EGFLAM: variants seen among roughly 807,000 people sequenced by gnomAD.
The protein encoded by EGFLAM is EGF like, fibronectin type III and laminin G domains.
In EGFLAM, 79 loss-of-function variants were observed where a neutral mutation model predicts 113.1. The ratio of observed to expected loss-of-function variants is 0.70; its 90% CI spans 0.58 to 0.84. EGFLAM has a LOEUF of 0.84. EGFLAM is among the 40% of genes least tolerant of loss of function. EGFLAM has a pLI of 0.00. For missense variants in EGFLAM, 1,265 were observed against 1,291.6 expected (o/e 0.98, Z 0.32); for synonymous variants, 504 against 487.6 (o/e 1.03, Z -0.44).
Position 38,421,589 on chromosome 5 carries a change from G to A in EGFLAM, c.1684+3334G>A, listed in dbSNP as rs1448005921. ...TGGAGATCAAGTAATGAACAAGACA[G>A]GATCCAGCTCAGTCCTCATATAGTT... On this transcript the variant is annotated intron_variant, in intron 12 of 21. Coordinates refer to ENST00000322350, the MANE Select transcript of EGFLAM (RefSeq NM_152403.4). Among the ~76,000 whole-genome samples, 4 of 152,228 alleles carry A rather than the reference G, an allele frequency of 2.6e-5. No individual in the cohort carries two copies. The East Asian group carries it at 5.8e-4, about 22-fold the overall frequency.
intron 1 of EGFLAM, among the ~76,000 whole-genome samples, chr5:38,285,007 G>C (rs1758120653): frequency 6.6e-6 from 1 of 152,148 alleles, no homozygotes. Flanking sequence ...GTTATCAAGA[G>C]CAACTATTTT....
At chr5:38,292,541 G>T (rs1229422318) in intron 1 of EGFLAM, among the ~76,000 whole-genome samples, 1 of 152,196 alleles carries the variant, frequency 6.6e-6, no homozygotes, top group Non-Finnish European at 1.5e-5. Flanking sequence ...GTTCGCTGCT[G>T]AATGCTAACT....
chr5:38,433,402 A>G (rs1742247596), intron 15 of EGFLAM, among the ~76,000 whole-genome samples: 1 of 152,146 alleles, frequency 6.6e-6, no homozygotes, highest in African/African-American at 2.4e-5. Flanking sequence ...AGCTTTGCAA[A>G]CTGCTTCCAG....
chr5:38,403,870 G>A, intron 6 of EGFLAM: 1 of 1,613,902 alleles, frequency 6.2e-7, no homozygotes, highest in Non-Finnish European at 8.5e-7. Flanking sequence ...CATGCAGGTG[G>A]CTTGAGAGAA....
chr5:38,276,671 AC>A, intron 1 of EGFLAM, among the ~76,000 whole-genome samples: 1 of 152,220 alleles, frequency 6.6e-6, no homozygotes, highest in African/African-American at 2.4e-5. Context: ...GAATTGACAA[AC>A]TTTTAGCTAG....
intron 1 of EGFLAM, among the ~76,000 whole-genome samples, chr5:38,293,944 A>C (rs1758395976): frequency 6.6e-6 from 1 of 152,238 alleles, no homozygotes; most frequent in Admixed American, 6.5e-5. Flanking sequence ...GTGCTCACTC[A>C]TTAAGCACCC....
chr5:38,427,036 G>A lies in EGFLAM; in HGVS notation c.1838G>A (p.Arg613Lys). ...TTCACCTTGACCATTCCTCAGTTCA[G>A]AGAGTCTCTGAGATCTTACGCTGCA... ...DAFTLTIPQF[R>K]ESLRSYAATP... is the part of the protein sequence containing the mutation. The change falls in exon 14 of 22, where the codon AGA (arginine) becomes AAA (lysine). Residue 613 changes from arginine to lysine, a missense_variant. Transcript: ENST00000322350. 1 of 1,614,038 alleles carries A rather than the reference G, an allele frequency of 6.2e-7. No individual in the cohort carries two copies. The highest frequency in any genetic ancestry group is 8.5e-7 in the Non-Finnish European group (1 of 1,180,012).
chr5:38,462,729 C>T (rs1743328622), intron 20 of EGFLAM, 179 bp from the exon 21 acceptor site: 1 of 631,078 alleles, frequency 1.6e-6, no homozygotes, highest in Non-Finnish European at 2.7e-6. Flanking sequence ...CCTCAGTAGA[C>T]CACAGGCTCC....
chr5:38,384,427 G>A (rs1055594371), intron 6 of EGFLAM, among the ~76,000 whole-genome samples: 2 of 152,150 alleles, frequency 1.3e-5, no homozygotes, highest in East Asian at 3.9e-4. Flanking sequence ...CCCATATTCT[G>A]TTGGTTCCTC....
chr5:38,340,079 A>ATGCCTTTGAGTCTAGACAG (rs1306627152), intron 3 of EGFLAM, among the ~76,000 whole-genome samples: 1 of 152,166 alleles, frequency 6.6e-6, no homozygotes, highest in Non-Finnish European at 1.5e-5. Flanking sequence ...AGAGTGATAC[A>ATGCCTTTGAGTCTAGACAG]TGCCTTTGAG....
chr5:38,427,689 A>C (rs1377616450), intron 14 of EGFLAM, among the ~76,000 whole-genome samples: 1 of 152,230 alleles, frequency 6.6e-6, no homozygotes, highest in East Asian at 1.9e-4. Context: ...TTTGAACAAA[A>C]ATATCCTTGA....
rs56194936 is a variant in EGFLAM at position 38,269,158 on chromosome 5, G to A, written c.97+10307G>A. ...CCTGCCACTGCACTCCAGCCTGGGC[G>A]ATGGGAGTGAGACCCTGCATCAACA... is the stretch of plus-strand genomic sequence containing the variant. On this transcript the variant is annotated intron_variant, in intron 1 of 21. Transcript: ENST00000322350. Among the ~76,000 whole-genome samples the A allele has an allele frequency of 6.6e-3, 1,011 of 152,190 alleles. 12 individuals are homozygous for A. Among genetic ancestry groups the A allele is most frequent in the African/African-American group, 0.023 (974 of 41,522 alleles).
At chr5:38,379,225 T>A (rs1385888785) in intron 6 of EGFLAM, among the ~76,000 whole-genome samples, 1 of 152,076 alleles carries the variant, frequency 6.6e-6, no homozygotes, top group Non-Finnish European at 1.5e-5. Flanking sequence ...GAGGGGTTAA[T>A]AACTGAGTGT....
chr5:38,394,966 G>A (rs1740918665), intron 6 of EGFLAM, among the ~76,000 whole-genome samples: 2 of 151,662 alleles, frequency 1.3e-5, no homozygotes, highest in Non-Finnish European at 2.9e-5. Flanking sequence ...TTGAGACAGA[G>A]TTTTGCTCTT....
At chr5:38,271,646 CAAGCTTCA>C (rs1188723081) in intron 1 of EGFLAM, among the ~76,000 whole-genome samples, 3 of 152,328 alleles carry the variant, frequency 2.0e-5, no homozygotes, top group African/African-American at 7.2e-5. Flanking sequence ...CAAGGAAACA[CAAGCTTCA>C]AAGCATGTCC....
chr5:38,454,073 C>A (rs1435761039), intron 19 of EGFLAM, among the ~76,000 whole-genome samples: 1 of 152,226 alleles, frequency 6.6e-6, no homozygotes, highest in Non-Finnish European at 1.5e-5. Flanking sequence ...CCGAGGTCGA[C>A]TTCTGTGCCT....
intron 6 of EGFLAM, among the ~76,000 whole-genome samples, chr5:38,394,711 CTT>C (rs11451294): frequency 1.6e-5 from 2 of 121,718 alleles, no homozygotes; most frequent in African/African-American, 3.3e-5. Context: ...GCCGGGCCCA[CTT>C]TTTTTTTTTT....
At chr5:38,364,825 G>A (rs1740018329) in intron 5 of EGFLAM, among the ~76,000 whole-genome samples, 1 of 152,140 alleles carries the variant, frequency 6.6e-6, no homozygotes, top group Non-Finnish European at 1.5e-5. Flanking sequence ...TTTTAATTCT[G>A]TTTATGAGAT....
At chr5:38,397,547 C>T (rs1740993246) in intron 6 of EGFLAM, among the ~76,000 whole-genome samples, 1 of 152,196 alleles carries the variant, frequency 6.6e-6, no homozygotes, top group South Asian at 2.1e-4. Context: ...CCCACCTCAA[C>T]TTCCCAAAGT....
Sources: allele counts gnomAD v4.1 joint callset (sites outside exome capture counted in the v4.1 genomes callset), GRCh38; gene constraint gnomAD v4.1.1; transcripts MANE v1.5; gene names NCBI Gene and HGNC (gene_info 2026-07-23, HGNC 2026-07-21).